Variants in WHAMM observed in about 807,000 individuals in gnomAD.
WHAMM encodes WASP homolog-associated protein with actin, membranes and microtubules.
In WHAMM, 67 loss-of-function variants were observed where a neutral mutation model predicts 76.5. The observed-to-expected ratio is 0.88, with a 90% CI of 0.72 to 1.07. WHAMM has a LOEUF of 1.07. WHAMM is among the 50% of genes least tolerant of loss of function. WHAMM has a pLI of 0.00. For synonymous variants in WHAMM, 419 were observed against 422.1 expected, an observed-to-expected ratio of 0.99 and a Z score of 0.09; for missense variants, 1,021 against 1,051.1, an observed-to-expected ratio of 0.97 and a Z score of 0.40.
Position 82,827,514 on chromosome 15 carries a change from CAT to C in WHAMM, c.1641+670_1641+671del, listed in dbSNP as rs1341217789. On this transcript the variant is annotated intron_variant, in intron 8 of 9. Coordinates refer to ENST00000286760, the MANE Select transcript of WHAMM (RefSeq NM_001080435.3). Reference sequence around the variant, plus strand: ...TTTTTGCTTTTATTTTTAATTGACACATAATCATTGTACATATTTATGAGGTA... The same window carrying C: ...TTTTTGCTTTTATTTTTAATTGACACAATCATTGTACATATTTATGAGGTA... 2.6e-5 allele frequency among the ~76,000 whole-genome samples: 4 copies of C among 152,094 alleles called. No individual in the cohort carries two copies. In the East Asian group the frequency reaches 7.7e-4, roughly 29 times the overall value.
chr15:82,810,295 TGC>T lies in WHAMM; in HGVS notation c.577_578del (p.Arg193ValfsTer33), dbSNP rs1283039239. The T allele has an allele frequency of 2.2e-6, 3 of 1,345,652 alleles. No homozygotes were observed. The highest frequency in any genetic ancestry group is 1.9e-5 in the South Asian group (1 of 53,296). The allele number at this position is 1,345,652 out of a possible 1,614,324, so 83.4% of individuals were successfully genotyped here. A position where few individuals can be genotyped will look rare whatever the true frequency, so the allele number is the denominator to read the frequency against. Reference sequence around the variant, plus strand: ...CCGCGCGAGTTCCGGGAGCGGGCCTTGCGCGCGCGGTGGGTCGAGGCGGACGC... The same window carrying T: ...CCGCGCGAGTTCCGGGAGCGGGCCTTGCGCGCGGTGGGTCGAGGCGGACGC... On this transcript the variant is annotated frameshift_variant, in exon 1 of 10. Transcript: ENST00000286760. LOFTEE classifies it high-confidence loss of function.
chr15:82,817,818 A>G, intron 3 of WHAMM, 102 bp from the exon 4 acceptor site: 1 of 908,440 alleles, frequency 1.1e-6, no homozygotes, highest in Non-Finnish European at 1.5e-6. Context: ...TAAAAAGGAT[A>G]TTCTGCAGGT....
At position 82,809,674 on chromosome 15, in the gene WHAMM, G is replaced by A. The variant is rs529744233; in HGVS notation, c.-53G>A. On this transcript the variant is annotated 5_prime_UTR_variant, in exon 1 of 10. Transcript: ENST00000286760. ...CGGACTGTCCCGTGACAGGCGGTGC[G>A]AGGAGGCCAGGCCCGCGCCCGCCGA... 2.3e-5 allele frequency: 30 copies of A among 1,306,814 alleles called. No homozygotes were observed. In the African/African-American group the frequency reaches 3.2e-4, roughly 14 times the overall value. 81.0% of individuals were successfully genotyped at this position (1,306,814 alleles called of 1,614,324 possible). A position where few individuals can be genotyped will look rare whatever the true frequency, so the allele number is the denominator to read the frequency against.
chr15:82,810,085 G>C lies in WHAMM; in HGVS notation c.359G>C (p.Trp120Ser). The C allele has an allele frequency of 8.1e-7, 1 of 1,238,946 alleles. No individual in the cohort carries two copies. Among genetic ancestry groups the C allele is most frequent in the South Asian group, 2.9e-5 (1 of 34,860 alleles). 76.7% of individuals were successfully genotyped at this position (1,238,946 alleles called of 1,614,324 possible). Residue 120 changes from tryptophan to serine, a missense_variant, in exon 1 of 10, where the codon TGG becomes TCG. Transcript: ENST00000286760. ...CTGGACGTGGGCGGCGGCGGGGCCT[G>C]GGGTCTGGGGCTCGGGCTGTGGGCG... ...PELDVGGGGA[W>S]GLGLGLWALL...
At chr15:82,826,634 C>T (rs2050939522) in intron 7 of WHAMM, 117 bp from the exon 8 acceptor site, 1 of 1,561,824 alleles carries the variant, frequency 6.4e-7, no homozygotes, top group African/African-American at 1.4e-5. Flanking sequence ...CTGGGCGCAG[C>T]CTTGGGGTGG....
chr15:82,827,303 T>G (rs866149365), intron 8 of WHAMM, among the ~76,000 whole-genome samples: 48 of 152,182 alleles, frequency 3.2e-4, no homozygotes, highest in African/African-American at 1.1e-3. Context: ...TCTACAACTT[T>G]CTTTTTTCTT....
intron 1 of WHAMM, among the ~76,000 whole-genome samples, chr15:82,810,952 G>C (rs1299387233): frequency 6.6e-6 from 1 of 152,180 alleles, no homozygotes; most frequent in Non-Finnish European, 1.5e-5. Flanking sequence ...AACCTAAGGG[G>C]AGGGGAAGTA....
At chr15:82,820,617 G>A (rs1253479419) in intron 5 of WHAMM, among the ~76,000 whole-genome samples, 1 of 152,096 alleles carries the variant, frequency 6.6e-6, no homozygotes, top group East Asian at 1.9e-4. Flanking sequence ...CTCCCAGGCT[G>A]GGTGTGGTGG....
chr15:82,827,683 G>A (rs2050958329), intron 8 of WHAMM, among the ~76,000 whole-genome samples: 1 of 152,320 alleles, frequency 6.6e-6, no homozygotes. Flanking sequence ...GGTGGCTTAC[G>A]CCTGTAATCC....
intron 8 of WHAMM, among the ~76,000 whole-genome samples, chr15:82,827,167 C>T (rs1218124099): frequency 1.3e-5 from 2 of 152,132 alleles, no homozygotes; most frequent in African/African-American, 2.4e-5. Context: ...ACTCCCTTGA[C>T]TTTAGCTGGC....
At chr15:82,814,076 C>G (rs1458338534) in intron 2 of WHAMM, among the ~76,000 whole-genome samples, 1 of 152,206 alleles carries the variant, frequency 6.6e-6, no homozygotes, top group African/African-American at 2.4e-5. Flanking sequence ...GATTGTAATT[C>G]AGTAACTTAA....
rs1289526565 is a variant in WHAMM, at chr15:82,809,998, A to C, written c.272A>C (p.His91Pro). 2 of 1,265,796 alleles carry C rather than the reference A, an allele frequency of 1.6e-6. No homozygotes were observed. Among genetic ancestry groups the C allele is most frequent in the East Asian group, 6.6e-5 (2 of 30,208 alleles). 78.4% of individuals were successfully genotyped at this position (1,265,796 alleles called of 1,614,324 possible). Residue 91 changes from histidine (H) to proline (P), a missense_variant, in exon 1 of 10, where the codon CAC (histidine) becomes CCC (proline). By Grantham distance (77) the His-to-Pro change is moderately conservative. Coordinates refer to ENST00000286760, the MANE Select transcript of WHAMM (RefSeq NM_001080435.3). Reference sequence around the variant, plus strand: ...TCGGCCGCGGGGCTCCGCGGCGCGCACCGGCAGTTGGCGGCGCTGTGGCCG... The same window carrying C: ...TCGGCCGCGGGGCTCCGCGGCGCGCCCCGGCAGTTGGCGGCGCTGTGGCCG... ...LLSAAGLRGA[H>P]RQLAALWPPL...
rs888132326 is a variant in WHAMM at position 82,835,033 on chromosome 15, A to G, written c.*1497A>G. 6.6e-6 allele frequency: 1 copy of G among 152,208 alleles called. No individual in the cohort carries two copies. The highest frequency in any genetic ancestry group is 2.4e-5 in the African/African-American group (1 of 41,444). The allele number at this position is 152,208 out of a possible 1,614,324, so 9.4% of individuals were successfully genotyped here. On this transcript the variant is annotated 3_prime_UTR_variant, in exon 10 of 10. Transcript: ENST00000286760. ...TAACCTCATCACCCTCACTCTGGTG[A>G]TATTACTCCTGGGTCTCCACAGAAC...
intron 9 of WHAMM, among the ~76,000 whole-genome samples, chr15:82,832,593 A>G (rs998784365): frequency 2.0e-5 from 3 of 152,194 alleles, no homozygotes; most frequent in African/African-American, 7.2e-5. Context: ...AAGCCACCTC[A>G]GGGTAATGTA....
chr15:82,835,315 T>G lies in WHAMM; in HGVS notation c.*1779T>G, dbSNP rs993916985. ...CTAATTTTTATATTTTTAGTAGAGA[T>G]GGGGTTTCACCATGTTGGCAGGATG... On this transcript the variant is annotated 3_prime_UTR_variant, in exon 10 of 10. Transcript: ENST00000286760. The G allele has an allele frequency of 1.3e-5, 2 of 152,134 alleles. No individual in the cohort carries two copies. Among genetic ancestry groups the G allele is most frequent in the Non-Finnish European group, 2.9e-5 (2 of 68,122 alleles). 9.4% of individuals were successfully genotyped at this position (152,134 alleles called of 1,614,324 possible). A position where few individuals can be genotyped will look rare whatever the true frequency, so the allele number is the denominator to read the frequency against.
At chr15:82,831,731 TTAAG>T (rs1257659453) in intron 9 of WHAMM, among the ~76,000 whole-genome samples, 2 of 152,222 alleles carry the variant, frequency 1.3e-5, no homozygotes, top group African/African-American at 4.8e-5. Context: ...ACTTTAGACA[TTAAG>T]TGTTGAGGAG....
chr15:82,833,470 CAA>C lies in WHAMM; in HGVS notation c.2365_2366del (p.Lys789GlufsTer5). 6.2e-7 allele frequency: 1 copy of C among 1,614,030 alleles called. No homozygotes were observed. The highest frequency in any genetic ancestry group is 8.5e-7 in the Non-Finnish European group (1 of 1,179,908). On this transcript the variant is annotated frameshift_variant, in exon 10 of 10. Coordinates refer to ENST00000286760, the MANE Select transcript of WHAMM (RefSeq NM_001080435.3). LOFTEE classifies it high-confidence loss of function. The stretch of plus-strand genomic sequence containing the variant: ...GCATCAAGGCTGCGCTCCAGAGAAT[CAA>C]GAGGGTGTCTGCTGACTCTGAGGAG... ...RSIKAALQRIKRVSADSEEDS... is the reference protein window; with the variant it reads ...RSIKAALQRIXRVSADSEEDS...
intron 5 of WHAMM, among the ~76,000 whole-genome samples, chr15:82,821,084 A>C (rs2050818448): frequency 6.6e-6 from 1 of 152,150 alleles, no homozygotes; most frequent in African/African-American, 2.4e-5. Flanking sequence ...TTTACGAGCC[A>C]TTTGTACTTA....
intron 7 of WHAMM, 49 bp downstream of exon 7, chr15:82,826,545 G>T: frequency 6.3e-7 from 1 of 1,597,880 alleles, no homozygotes; most frequent in Non-Finnish European, 8.6e-7. Flanking sequence ...AGCGTGACAT[G>T]CAGGCCTAGA....
Sources: allele counts gnomAD v4.1 joint callset (sites outside exome capture counted in the v4.1 genomes callset), GRCh38; gene constraint gnomAD v4.1.1; transcripts MANE v1.5; gene names NCBI Gene and HGNC (gene_info 2026-07-23, HGNC 2026-07-21).